Variants in FAM110B observed in about 807,000 individuals in gnomAD.
FAM110B encodes the protein family with sequence similarity 110 member B, also known as protein FAM110B.
Under a neutral mutation model 20.4 loss-of-function variants are expected in FAM110B, and 6 were observed. That is an observed-to-expected ratio of 0.29 (90% confidence interval 0.16 to 0.58). FAM110B has a LOEUF of 0.58. Ranked by LOEUF, FAM110B falls within the 20% of genes least tolerant of loss-of-function variation. The pLI is 0.90. For synonymous variants in FAM110B, 226 were observed against 214.1 expected, an observed-to-expected ratio of 1.06 and a Z score of -0.49; for missense variants, 434 against 498.2, an observed-to-expected ratio of 0.87 and a Z score of 1.23.
intron 3 of FAM110B, among the ~76,000 whole-genome samples, chr8:58,086,988 T>A (rs1281897184): frequency 9.9e-5 from 15 of 152,220 alleles, no homozygotes; most frequent in Admixed American, 9.8e-4. Context: ...CACGTGATCA[T>A]GGGGCTAGAT....
chr8:58,078,811 A>G (rs955662399), intron 3 of FAM110B, among the ~76,000 whole-genome samples: 16 of 151,732 alleles, frequency 1.1e-4, no homozygotes, highest in South Asian at 6.2e-4. Context: ...CAGCCTCCCA[A>G]TGTGCTGGGA....
intron 1 of FAM110B, among the ~76,000 whole-genome samples, chr8:58,019,336 C>CAAAAAAAAAAAAAAAAAAAAAA (rs61622368): frequency 1.3e-5 from 1 of 78,374 alleles, no homozygotes; most frequent in Non-Finnish European, 2.2e-5. Flanking sequence ...GACTCTGTCT[C>CAAAAAAAAAAAAAAAAAAAAAA]AAAAAAAAAA....
At chr8:58,082,853 T>TTG (rs1563363397) in intron 3 of FAM110B, among the ~76,000 whole-genome samples, 1 of 150,864 alleles carries the variant, frequency 6.6e-6, no homozygotes, top group African/African-American at 2.4e-5. Context: ...TTTTGTTTTT[T>TTG]TTTTTTTTAA....
At chr8:58,062,659 A>G (rs1805681123) in intron 2 of FAM110B, among the ~76,000 whole-genome samples, 1 of 152,252 alleles carries the variant, frequency 6.6e-6, no homozygotes, top group East Asian at 1.9e-4. Context: ...CTTATTTTAA[A>G]CTCGATTCCC....
intron 3 of FAM110B, among the ~76,000 whole-genome samples, chr8:58,119,376 G>A (rs1807297698): frequency 6.6e-6 from 1 of 152,188 alleles, no homozygotes; most frequent in African/African-American, 2.4e-5. Flanking sequence ...CCTCGCATGG[G>A]GGAAGGGACA....
chr8:58,047,934 G>A (rs1045290133), intron 2 of FAM110B, among the ~76,000 whole-genome samples: 56 of 152,114 alleles, frequency 3.7e-4, no homozygotes, highest in African/African-American at 1.1e-3. Context: ...AAACTTTAGC[G>A]TCTTCATCTT....
intron 3 of FAM110B, among the ~76,000 whole-genome samples, chr8:58,089,381 G>T (rs564025519): frequency 6.6e-6 from 1 of 152,140 alleles, no homozygotes; most frequent in Non-Finnish European, 1.5e-5. Context: ...ATCTAGTTTT[G>T]TGGTTTAATT....
intron 2 of FAM110B, among the ~76,000 whole-genome samples, chr8:58,060,749 T>A (rs1805640330): frequency 6.6e-6 from 1 of 152,128 alleles, no homozygotes; most frequent in African/African-American, 2.4e-5. Flanking sequence ...AAAAAGATCT[T>A]TCTTCTCTGT....
intron 2 of FAM110B, among the ~76,000 whole-genome samples, chr8:58,059,880 T>C (rs1805621034): frequency 6.6e-6 from 1 of 152,160 alleles, no homozygotes; most frequent in South Asian, 2.1e-4. Flanking sequence ...TTTTTAACTT[T>C]TAGGTTTGTG....
intron 3 of FAM110B, among the ~76,000 whole-genome samples, chr8:58,078,393 C>A (rs1806090224): frequency 6.6e-6 from 1 of 152,160 alleles, no homozygotes; most frequent in African/African-American, 2.4e-5. Context: ...ACACCAATTT[C>A]TATGCATTAT....
chr8:58,063,081 C>G (rs185556751), intron 2 of FAM110B, among the ~76,000 whole-genome samples: 1 of 152,272 alleles, frequency 6.6e-6, no homozygotes, highest in Admixed American at 6.5e-5. Context: ...GAGGCTGCTA[C>G]TTACTAGCTG....
At chr8:57,995,934 T>A (rs1378221837) in intron 1 of FAM110B, among the ~76,000 whole-genome samples, 3 of 152,254 alleles carry the variant, frequency 2.0e-5, no homozygotes, top group Non-Finnish European at 4.4e-5. Flanking sequence ...TAAGCATTTT[T>A]GCAGTATGGA....
In FAM110B at chr8:58,004,644, CT is replaced by C. The variant is rs567768275; in HGVS notation, c.-512+9839del. Among the ~76,000 whole-genome samples, 530 of 152,324 alleles carry C rather than the reference CT, an allele frequency of 3.5e-3. 3 individuals carry two copies. Among genetic ancestry groups the C allele is most frequent in the African/African-American group, 0.012 (515 of 41,566 alleles). Reference sequence around the variant, plus strand: ...CCTGTAGTCCCAGCTACATGGGAGGCTGAGGCAGGAGAATTGCTTGAGCCCG... The same window carrying C: ...CCTGTAGTCCCAGCTACATGGGAGGCGAGGCAGGAGAATTGCTTGAGCCCG... On this transcript the variant is annotated intron_variant, in intron 1 of 3. Transcript: ENST00000519262.
At chr8:58,051,966 G>A (rs1036081042) in intron 2 of FAM110B, among the ~76,000 whole-genome samples, 4 of 152,162 alleles carry the variant, frequency 2.6e-5, no homozygotes, top group Non-Finnish European at 5.9e-5. Context: ...CATTCCTTCT[G>A]AATACCTTAC....
intron 2 of FAM110B, among the ~76,000 whole-genome samples, chr8:58,070,784 T>A (rs1204963842): frequency 1.3e-5 from 2 of 152,224 alleles, no homozygotes; most frequent in African/African-American, 4.8e-5. Flanking sequence ...ACACTCTAAT[T>A]AGGACAGGGC....
chr8:58,006,923 A>ATATATATTTTTTTTTTT, intron 1 of FAM110B, among the ~76,000 whole-genome samples: 104 of 126,520 alleles, frequency 8.2e-4, no homozygotes, highest in African/African-American at 2.3e-3. Context: ...ATATATATAT[A>ATATATATTTTTTTTTTT]TTTTTCCAAA....
At chr8:58,080,889 T>C (rs1358984446) in intron 3 of FAM110B, among the ~76,000 whole-genome samples, 3 of 152,192 alleles carry the variant, frequency 2.0e-5, no homozygotes, top group African/African-American at 7.2e-5. Context: ...TTGCCTTTAC[T>C]TGAGTCCTAT....
chr8:57,998,415 A>G (rs564252500), intron 1 of FAM110B, among the ~76,000 whole-genome samples: 1 of 152,214 alleles, frequency 6.6e-6, no homozygotes, highest in Non-Finnish European at 1.5e-5. Context: ...AAGGAGGTTT[A>G]TTCATTTTGA....
intron 3 of FAM110B, among the ~76,000 whole-genome samples, chr8:58,142,378 C>A (rs1162780232): frequency 1.3e-5 from 2 of 152,178 alleles, no homozygotes; most frequent in Non-Finnish European, 2.9e-5. Context: ...TTAAGGAGAT[C>A]CTTGAGGGGT....
Sources: gnomAD v4.1 joint callset for allele counts (sites outside exome capture counted in the v4.1 genomes callset) on GRCh38, gnomAD v4.1.1 for gene constraint, MANE v1.5 for transcripts, NCBI Gene and HGNC (gene_info 2026-07-23, HGNC 2026-07-21) for gene names.